MAJIN: variants seen among roughly 807,000 people sequenced by gnomAD.
MAJIN encodes membrane-anchored junction protein.
In MAJIN, 27 loss-of-function variants were observed where a neutral mutation model predicts 30.2. The observed-to-expected ratio is 0.89, with a 90% confidence interval of 0.66 to 1.23. MAJIN has a LOEUF of 1.23. Among genes scored for constraint, MAJIN ranks in the 50% most tolerant of loss-of-function variants. The pLI is 0.00. For missense variants in MAJIN, 253 were observed against 260.3 expected, an observed-to-expected ratio of 0.97 and a Z score of 0.19; for synonymous variants, 78 against 91.6, an observed-to-expected ratio of 0.85 and a Z score of 0.85.
intron 4 of MAJIN, among the ~76,000 whole-genome samples, chr11:64,951,519 C>T (rs887377478): frequency 2.6e-5 from 4 of 152,182 alleles, no homozygotes; most frequent in African/African-American, 9.7e-5. Context: ...CATCCCAGCA[C>T]TCTGCGAGGC....
chr11:64,948,651 T>C (rs1223525057), intron 6 of MAJIN, among the ~76,000 whole-genome samples: 4 of 55,026 alleles, frequency 7.3e-5, no homozygotes, highest in African/African-American at 3.6e-4. Context: ...TTTTTTTTTT[T>C]TTTTTTTTTT....
At chr11:64,948,641 T>TATATA (rs1340869416) in intron 6 of MAJIN, among the ~76,000 whole-genome samples, 5 of 9,438 alleles carry the variant, frequency 5.3e-4, no homozygotes, top group Non-Finnish European at 8.1e-4. Context: ...ATATATATAT[T>TATATA]TTTTTTTTTT....
chr11:64,953,696 C>A (rs1179455091), intron 4 of MAJIN, among the ~76,000 whole-genome samples: 3 of 152,108 alleles, frequency 2.0e-5, no homozygotes, highest in Non-Finnish European at 4.4e-5. Flanking sequence ...GAGGCTGAGG[C>A]AGGAGAATCG....
At chr11:64,967,002 G>A (rs1229918591) in intron 1 of MAJIN, among the ~76,000 whole-genome samples, 1 of 151,880 alleles carries the variant, frequency 6.6e-6, no homozygotes, top group Admixed American at 6.6e-5. Context: ...TTGGCCAGGT[G>A]TTGTGGCTCA....
chr11:64,948,635 ATATATTTTT>A (rs1945497402), intron 6 of MAJIN, among the ~76,000 whole-genome samples: 2 of 37,122 alleles, frequency 5.4e-5, no homozygotes, highest in African/African-American at 3.9e-4. Flanking sequence ...ATATATATAT[ATATATTTTT>A]TTTTTTTTTT....
rs571245567 is a variant in MAJIN, at chr11:64,968,583, C to T, written c.-65+3294G>A. ...GGCATGGTGGCTCACGCCTGTAATC[C>T]CAGCACTTTGGGAGGCTGAGGCGGG... On this transcript the variant is annotated intron_variant, in intron 1 of 10. Transcript: ENST00000301896. Among the ~76,000 whole-genome samples, 7 of 151,734 alleles carry T rather than the reference C, an allele frequency of 4.6e-5. 1 individual carries two copies. In the East Asian group the frequency reaches 1.4e-3, roughly 30 times the overall value.
chr11:64,947,417 G>A lies in MAJIN; in HGVS notation c.430C>T (p.His144Tyr). The change falls in exon 8 of 11, where the codon CAC (histidine) becomes TAC (tyrosine). Residue 144 changes from histidine (H) to tyrosine (Y), a missense_variant. Coordinates refer to ENST00000301896, the MANE Select transcript of MAJIN (RefSeq NM_001037225.3). ...CTGGGGGAGCTGGGCTCGTCCATGT[G>A]TTTTCGTTTCCTCATCACAGCTCCT... ...AVGAVMRKRK[H>Y]MDEPSSPSRP... 3 of 1,613,874 alleles carry A rather than the reference G, an allele frequency of 1.9e-6. No homozygotes were observed. The highest frequency in any genetic ancestry group is 2.5e-6 in the Non-Finnish European group (3 of 1,180,042).
intron 6 of MAJIN, among the ~76,000 whole-genome samples, chr11:64,949,256 G>A (rs1171772836): frequency 1.3e-5 from 2 of 151,974 alleles, no homozygotes; most frequent in African/African-American, 4.8e-5. Flanking sequence ...CTTGAGCCCA[G>A]GAGTTAGAGG....
intron 1 of MAJIN, among the ~76,000 whole-genome samples, chr11:64,966,145 G>GAAAAAAAAGAAAAAAA (rs1945804820): frequency 1.8e-5 from 1 of 57,098 alleles, no homozygotes; most frequent in Non-Finnish European, 3.0e-5. Flanking sequence ...GATTAAAAAT[G>GAAAAAAAAGAAAAAAA]AAAAAAAAAA....
At chr11:64,969,492 T>TAA (rs746932402) in intron 1 of MAJIN, among the ~76,000 whole-genome samples, 5,838 of 138,872 alleles carry the variant, frequency 0.042, 146 homozygotes, top group Middle Eastern at 0.064. Flanking sequence ...GGCTGTGACT[T>TAA]AAAAAAAAAA....
chr11:64,948,696 GCC>G (rs1565127516), intron 6 of MAJIN, among the ~76,000 whole-genome samples: 1 of 108,710 alleles, frequency 9.2e-6, no homozygotes, highest in African/African-American at 3.5e-5. Flanking sequence ...TTGCTCTGCC[GCC>G]CAGGCTGGAG....
intron 8 of MAJIN, among the ~76,000 whole-genome samples, chr11:64,943,032 C>A (rs975861003): frequency 1.3e-5 from 2 of 152,078 alleles, no homozygotes; most frequent in Admixed American, 1.3e-4. Flanking sequence ...GAGATGTCTT[C>A]TCAAGAAAAA....
At position 64,945,128 on chromosome 11, in the gene MAJIN, C is replaced by T. The variant is rs531466649; in HGVS notation, c.473+2246G>A. On this transcript the variant is annotated intron_variant, in intron 8 of 10. Transcript: ENST00000301896. ...ATCCCAGCACTTTGGGAGGCCGAGGCGGGTGGATCACGAGGTCAGGAGATC... is the reference window on the plus strand; with the variant it reads ...ATCCCAGCACTTTGGGAGGCCGAGGTGGGTGGATCACGAGGTCAGGAGATC... Among the ~76,000 whole-genome samples, 6 of 152,134 alleles carry T rather than the reference C, an allele frequency of 3.9e-5. No homozygotes were observed. In the South Asian group the frequency reaches 6.2e-4, roughly 16 times the overall value.
At chr11:64,950,535 C>A in intron 4 of MAJIN, 105 bp from the exon 5 acceptor site, 1 of 928,774 alleles carries the variant, frequency 1.1e-6, no homozygotes, top group Non-Finnish European at 1.7e-6. Context: ...CAAAACTGAA[C>A]TATTTGCTGT....
chr11:64,969,196 T>G (rs545231542), intron 1 of MAJIN, among the ~76,000 whole-genome samples: 1 of 152,106 alleles, frequency 6.6e-6, no homozygotes, highest in South Asian at 2.1e-4. Flanking sequence ...TTAGTAGTTG[T>G]GTTTTAAGTC....
rs1367152047 is a variant in MAJIN at position 64,940,607 on chromosome 11, G to C, written c.513C>G (p.Leu171=). 2.5e-6 allele frequency: 4 copies of C among 1,614,124 alleles called. No individual in the cohort carries two copies. The South Asian group carries it at 4.4e-5, about 18-fold the overall frequency. ...KEKPNKDCRR[L]WPLISLMSRN... ...TGGACATCAGTGATATCAGAGGCCA[G>C]AGTCTCCTGCAATCCTTGTTGGGTT... The change falls in exon 9 of 11, where the codon CTC becomes CTG. Residue 171 remains leucine, a synonymous_variant. Transcript: ENST00000301896.
intron 1 of MAJIN, among the ~76,000 whole-genome samples, chr11:64,963,815 G>A: frequency 6.6e-6 from 1 of 152,114 alleles, no homozygotes; most frequent in East Asian, 1.9e-4. Context: ...CTCCAGCCTG[G>A]GCAACAGAGC....
intron 6 of MAJIN, 144 bp downstream of exon 6, chr11:64,949,599 C>T: frequency 2.0e-6 from 2 of 995,950 alleles, no homozygotes; most frequent in South Asian, 2.1e-5. Context: ...AGTATTTGAA[C>T]CGGTCAGTCT....
rs1240415257 is a variant in MAJIN, at chr11:64,938,545, T to C, written c.*30A>G. 5 of 1,535,744 alleles carry C rather than the reference T, an allele frequency of 3.3e-6. No homozygotes were observed. Among genetic ancestry groups the C allele is most frequent in the Admixed American group, 2.0e-5 (1 of 50,972 alleles). ...AAGGCTCAAGAGTGGCTGCTCTTCCTGAAGAAATATCGAAACGGGAAGAGA... is the reference window on the plus strand; with the variant it reads ...AAGGCTCAAGAGTGGCTGCTCTTCCCGAAGAAATATCGAAACGGGAAGAGA... On this transcript the variant is annotated 3_prime_UTR_variant, in exon 11 of 11. Transcript: ENST00000301896.
Sources: gnomAD v4.1 joint callset for allele counts (sites outside exome capture counted in the v4.1 genomes callset) on GRCh38, gnomAD v4.1.1 for gene constraint, MANE v1.5 for transcripts, NCBI Gene and HGNC (gene_info 2026-07-23, HGNC 2026-07-21) for gene names.